Variants in TTLL1 observed in about 807,000 individuals in gnomAD.
TTLL1 encodes the protein TTL family tubulin polyglutamylase complex subunit L1, also known as polyglutamylase complex subunit TTLL1.
Under a neutral mutation model 47.8 loss-of-function variants are expected in TTLL1, and 33 were observed. The ratio of observed to expected loss-of-function variants is 0.69; its 90% CI spans 0.52 to 0.92. The LOEUF (loss-of-function observed/expected upper bound fraction) is 0.92, where lower values mean the gene tolerates loss of function less well. Among genes scored for constraint, TTLL1 ranks in the 40% least tolerant of loss-of-function variants. TTLL1 has a pLI of 0.00. For synonymous variants in TTLL1, 225 were observed against 214.1 expected, an observed-to-expected ratio of 1.05 and a Z score of -0.45; for missense variants, 488 against 547.5, an observed-to-expected ratio of 0.89 and a Z score of 1.08.
At chr22:43,075,654 G>T (rs1299995053) in intron 2 of TTLL1, 64 bp from the exon 3 acceptor site, 1 of 1,441,848 alleles carries the variant, frequency 6.9e-7, no homozygotes, top group African/African-American at 1.4e-5. Context: ...TAAACCCAAG[G>T]AATCCTCTAA....
rs10529079 is a variant in TTLL1 at position 43,080,902 on chromosome 22, C to CTTTT, written c.-89-920_-89-917dup. 2.9e-3 allele frequency among the ~76,000 whole-genome samples: 200 copies of CTTTT among 69,274 alleles called. 36 individuals are homozygous for CTTTT. The highest frequency in any genetic ancestry group is 8.4e-3 in the East Asian group (11 of 1,314). 45.4% of individuals were successfully genotyped at this position (69,274 alleles called of 152,430 possible). On this transcript the variant is annotated intron_variant, in intron 1 of 10. Transcript: ENST00000266254. ...GTCACCTGTTCCCAGTGTTGCATGA[C>CTTTT]TTTTTTTTTTTTTTTTTTTTTTTTT...
intron 3 of TTLL1, among the ~76,000 whole-genome samples, chr22:43,072,845 A>G (rs1257176932): frequency 6.6e-6 from 1 of 151,450 alleles, no homozygotes; most frequent in Non-Finnish European, 1.5e-5. Flanking sequence ...ACTCCTCGCA[A>G]GGTGCTGGGA....
chr22:43,042,860 C>T (rs982280731), intron 10 of TTLL1, among the ~76,000 whole-genome samples: 13 of 151,892 alleles, frequency 8.6e-5, no homozygotes, highest in Non-Finnish European at 1.6e-4. Flanking sequence ...CAGGAGAGGA[C>T]GGCTGGATCA....
At position 43,054,231 on chromosome 22, in the gene TTLL1, G is replaced by C. The variant is rs145944461; in HGVS notation, c.892-2344C>G. Among the ~76,000 whole-genome samples the C allele has an allele frequency of 3.0e-3, 459 of 152,276 alleles. 1 individual carries two copies. Among genetic ancestry groups the C allele is most frequent in the African/African-American group, 0.011 (446 of 41,572 alleles). On this transcript the variant is annotated intron_variant, in intron 8 of 10. Transcript: ENST00000266254. ...CACCAAGGTATAAGGAGCTTCAGTGGGACAAGAGATGGGGCACTCGGCCCC... is the reference window on the plus strand; with the variant it reads ...CACCAAGGTATAAGGAGCTTCAGTGCGACAAGAGATGGGGCACTCGGCCCC...
chr22:43,076,768 A>G (rs1928527077), intron 2 of TTLL1, among the ~76,000 whole-genome samples: 2 of 150,618 alleles, frequency 1.3e-5, no homozygotes, highest in African/African-American at 2.5e-5. Flanking sequence ...TAATAATAAT[A>G]ATAAATCAAA....
chr22:43,083,912 C>G (rs1929060465), intron 1 of TTLL1, among the ~76,000 whole-genome samples: 1 of 152,122 alleles, frequency 6.6e-6, no homozygotes, highest in Non-Finnish European at 1.5e-5. Flanking sequence ...CTACAAGTGT[C>G]TTAACAGATC....
intron 3 of TTLL1, among the ~76,000 whole-genome samples, chr22:43,071,485 CTG>C (rs1257436054): frequency 6.6e-6 from 1 of 152,196 alleles, no homozygotes; most frequent in African/African-American, 2.4e-5. Flanking sequence ...TCTTGGCTCA[CTG>C]CAACCTCTGC....
intron 5 of TTLL1, among the ~76,000 whole-genome samples, chr22:43,068,134 A>T (rs1357159493): frequency 2.7e-5 from 2 of 74,032 alleles, no homozygotes; most frequent in South Asian, 4.7e-4. Flanking sequence ...ATCTCTATTT[A>T]AAAAAAAAAA....
chr22:43,070,134 GATTA>G, intron 3 of TTLL1: 1 of 1,404,898 alleles, frequency 7.1e-7, no homozygotes, highest in Middle Eastern at 1.8e-4. Context: ...TGATAACACG[GATTA>G]ATGATAACAC....
rs554600002 is a variant in TTLL1 at position 43,076,620 on chromosome 22, A to G, written c.-4-1030T>C. Among the ~76,000 whole-genome samples the G allele has an allele frequency of 4.3e-4, 65 of 149,930 alleles. 2 individuals are homozygous for G. The South Asian group carries it at 6.2e-3, about 14-fold the overall frequency. Reference sequence around the variant, plus strand: ...CAAAAAATTAGCCAGGCATGGTGGCATGCGCCTGTAATCCCAGCTACTCGG... The same window carrying G: ...CAAAAAATTAGCCAGGCATGGTGGCGTGCGCCTGTAATCCCAGCTACTCGG... On this transcript the variant is annotated intron_variant, in intron 2 of 10. Transcript: ENST00000266254.
chr22:43,082,961 C>T (rs922334428), intron 1 of TTLL1, among the ~76,000 whole-genome samples: 11 of 151,850 alleles, frequency 7.2e-5, no homozygotes, highest in African/African-American at 2.7e-4. Context: ...TTGCAATGAG[C>T]CGAGATCGTG....
chr22:43,063,713 G>A lies in TTLL1; in HGVS notation c.747+100C>T, dbSNP rs577093220. On this transcript the variant is annotated intron_variant, in intron 7 of 10. Transcript: ENST00000266254. The stretch of plus-strand genomic sequence containing the variant: ...ACTCCTGACCTCAGGTGATCCACCC[G>A]CCTCAGCCTCCCAAAGTGCCGGGAT... The A allele has an allele frequency of 4.1e-5, 44 of 1,070,382 alleles. 1 individual carries two copies. The South Asian group carries it at 4.2e-4, about 10-fold the overall frequency. The allele number at this position is 1,070,382 out of a possible 1,614,324, so 66.3% of individuals were successfully genotyped here.
At chr22:43,075,322 C>A (rs1928411550) in intron 3 of TTLL1, 152 bp downstream of exon 3, 2 of 695,302 alleles carry the variant, frequency 2.9e-6, no homozygotes, top group Admixed American at 2.5e-5. Flanking sequence ...AACACATACT[C>A]TCACAAAAAA....
In TTLL1 at chr22:43,068,398, GCC is replaced by G; in HGVS notation, c.503+10_503+11del. 1 of 1,485,362 alleles carries G rather than the reference GCC, an allele frequency of 6.7e-7. No individual in the cohort carries two copies. The allele number at this position is 1,485,362 out of a possible 1,614,324, so 92.0% of individuals were successfully genotyped here. ...GACCTGGCACACAAAGTGGGTGGCT[GCC>G]CACACTTACGAAGATGTCTTGCTGT... On this transcript the variant is annotated intron_variant, in intron 5 of 10. Coordinates refer to ENST00000266254, the MANE Select transcript of TTLL1 (RefSeq NM_012263.5).
intron 8 of TTLL1, 42 bp from the exon 9 acceptor site, chr22:43,051,929 A>G (rs1926659366): frequency 6.3e-7 from 1 of 1,598,502 alleles, no homozygotes; most frequent in South Asian, 1.1e-5. Context: ...CCAGCATCGA[A>G]GGGCGCAGCC....
chr22:43,069,681 T>C lies in TTLL1; in HGVS notation c.277A>G (p.Ser93Gly). 4 of 1,614,224 alleles carry C rather than the reference T, an allele frequency of 2.5e-6. No homozygotes were observed. The highest frequency in any genetic ancestry group is 3.4e-6 in the Non-Finnish European group (4 of 1,180,046). ...RYRKELEKEG[S>G]PLAEKDENGK... ...TTTTCATCTTTTTCTGCCAGAGGAC[T>C]CCCTTCTTTCTCCAGCTCCTTCCTG... is the stretch of plus-strand genomic sequence containing the variant. The change falls in exon 4 of 11, where the codon AGT becomes GGT. Residue 93 changes from serine (S) to glycine (G), a missense_variant. Physicochemically the swap from Ser to Gly is moderately conservative, Grantham distance 56. Transcript: ENST00000266254.
chr22:43,040,646 A>G (rs910693082), intron 10 of TTLL1, among the ~76,000 whole-genome samples: 2 of 152,162 alleles, frequency 1.3e-5, no homozygotes, highest in Non-Finnish European at 2.9e-5. Flanking sequence ...GGGTTTCCCC[A>G]TGTTGGCCAG....
intron 1 of TTLL1, among the ~76,000 whole-genome samples, chr22:43,087,941 A>C (rs569244918): frequency 6.6e-6 from 1 of 151,648 alleles, no homozygotes; most frequent in African/African-American, 2.4e-5. Flanking sequence ...TGAGGTCAGG[A>C]GCTCGAGACC....
intron 9 of TTLL1, among the ~76,000 whole-genome samples, chr22:43,046,879 C>T (rs1381313063): frequency 6.6e-6 from 1 of 152,086 alleles, no homozygotes; most frequent in Non-Finnish European, 1.5e-5. Flanking sequence ...CCATATTGAC[C>T]AGGCTGGTCT....
Sources: allele counts gnomAD v4.1 joint callset (sites outside exome capture counted in the v4.1 genomes callset), GRCh38; gene constraint gnomAD v4.1.1; transcripts MANE v1.5; gene names NCBI Gene and HGNC (gene_info 2026-07-23, HGNC 2026-07-21).